Variants in CEP128 observed in about 807,000 individuals in gnomAD.
CEP128 encodes centrosomal protein 128kDa.
Under a neutral mutation model 156.7 loss-of-function variants are expected in CEP128, and 132 were observed. That is an observed-to-expected ratio of 0.84 (90% CI 0.73 to 0.97). The LOEUF is 0.97. CEP128 is among the 50% of genes least tolerant of loss of function. CEP128 has a pLI of 0.00. For missense variants in CEP128, 1,252 were observed against 1,281.9 expected, an observed-to-expected ratio of 0.98 and a Z score of 0.36; for synonymous variants, 469 against 448.9, an observed-to-expected ratio of 1.04 and a Z score of -0.57.
At chr14:80,711,676 A>G (rs1358394036) in intron 19 of CEP128, among the ~76,000 whole-genome samples, 1 of 152,122 alleles carries the variant, frequency 6.6e-6, no homozygotes, top group Non-Finnish European at 1.5e-5. Context: ...ATAATCAATA[A>G]TTTAAGTATA....
chr14:80,691,389 A>G (rs1896714904), intron 19 of CEP128, among the ~76,000 whole-genome samples: 1 of 152,160 alleles, frequency 6.6e-6, no homozygotes, highest in Non-Finnish European at 1.5e-5. Flanking sequence ...GTTACACCAC[A>G]ATCTTCTCCC....
chr14:80,819,306 G>T (rs1480494889), intron 13 of CEP128, among the ~76,000 whole-genome samples: 2 of 145,884 alleles, frequency 1.4e-5, no homozygotes, highest in Admixed American at 6.9e-5. Context: ...GAGTGCAGTG[G>T]CGCAATCTCG....
intron 17 of CEP128, 119 bp downstream of exon 17, chr14:80,761,315 GTTA>G (rs1899955888): frequency 5.6e-6 from 4 of 713,096 alleles, no homozygotes; most frequent in Non-Finnish European, 6.4e-6. Flanking sequence ...AATGCAAAAT[GTTA>G]TTTTGTTTTA....
intron 7 of CEP128, among the ~76,000 whole-genome samples, chr14:80,898,336 G>A (rs771578096): frequency 9.9e-5 from 15 of 152,086 alleles, no homozygotes; most frequent in South Asian, 2.1e-4. Flanking sequence ...AAAGCAGAAC[G>A]GCATCCAGAA....
intron 14 of CEP128, among the ~76,000 whole-genome samples, chr14:80,481,453 A>C (rs1594897024): frequency 6.6e-6 from 1 of 152,346 alleles, no homozygotes; most frequent in South Asian, 2.1e-4. Context: ...TTAAGATTTC[A>C]GTGGGGACAC....
At chr14:80,728,583 G>A (rs893358070) in intron 19 of CEP128, among the ~76,000 whole-genome samples, 1 of 152,110 alleles carries the variant, frequency 6.6e-6, no homozygotes, top group Non-Finnish European at 1.5e-5. Context: ...GAGGAAAAGG[G>A]TATGCATTGC....
At chr14:80,680,977 C>T (rs976034650) in intron 19 of CEP128, among the ~76,000 whole-genome samples, 4 of 152,076 alleles carry the variant, frequency 2.6e-5, no homozygotes, top group Non-Finnish European at 5.9e-5. Flanking sequence ...GACCCTCTCC[C>T]AATAAACAAG....
chr14:80,675,149 TCAAA>T (rs1375160668), intron 19 of CEP128, among the ~76,000 whole-genome samples: 2 of 152,110 alleles, frequency 1.3e-5, no homozygotes, highest in Non-Finnish European at 2.9e-5. Context: ...ACAGAAAATG[TCAAA>T]CATATACAAA....
intron 13 of CEP128, chr14:80,830,185 T>C (rs1251229267): frequency 3.5e-6 from 2 of 569,078 alleles, no homozygotes; most frequent in African/African-American, 1.9e-5. Context: ...TAAGTCTTTA[T>C]TAAACATGTA....
At chr14:80,859,666 C>T (rs1284926492) in intron 9 of CEP128, among the ~76,000 whole-genome samples, 1 of 152,014 alleles carries the variant, frequency 6.6e-6, no homozygotes, top group African/African-American at 2.4e-5. Flanking sequence ...GTGCATGGCC[C>T]TTTTGTTCAA....
intron 19 of CEP128, among the ~76,000 whole-genome samples, chr14:80,608,417 A>G (rs1329233733): frequency 6.6e-6 from 1 of 152,218 alleles, no homozygotes; most frequent in Middle Eastern, 3.2e-3. Flanking sequence ...ATTGAACTTT[A>G]TACAACACAG....
chr14:80,633,176 G>A (rs1270750450), intron 19 of CEP128, among the ~76,000 whole-genome samples: 4 of 151,978 alleles, frequency 2.6e-5, no homozygotes, highest in African/African-American at 4.8e-5. Flanking sequence ...GCCTTGAGCC[G>A]TGACTGCCAC....
At chr14:80,498,238 T>C (rs967928567) in intron 24 of CEP128, among the ~76,000 whole-genome samples, 1 of 152,140 alleles carries the variant, frequency 6.6e-6, no homozygotes, top group African/African-American at 2.4e-5. Context: ...TCCCTATCAA[T>C]TTCACCTGAG....
At chr14:80,890,950 T>C (rs770987009) in intron 8 of CEP128, among the ~76,000 whole-genome samples, 6 of 151,992 alleles carry the variant, frequency 3.9e-5, no homozygotes, top group Admixed American at 6.6e-5. Context: ...AAAAAGGTGC[T>C]CAAGATCAAT....
chr14:80,745,554 T>A (rs1899056802), intron 18 of CEP128, among the ~76,000 whole-genome samples: 1 of 152,064 alleles, frequency 6.6e-6, no homozygotes, highest in African/African-American at 2.4e-5. Flanking sequence ...AGTCAAACAT[T>A]CCTTCATAAT....
intron 11 of CEP128, among the ~76,000 whole-genome samples, chr14:80,837,094 G>C (rs1006334140): frequency 6.6e-6 from 1 of 152,158 alleles, no homozygotes; most frequent in African/African-American, 2.4e-5. Flanking sequence ...GCAGAACAAA[G>C]TCAGCGAATA....
At chr14:80,594,306 T>C (rs1212925908) in intron 19 of CEP128, among the ~76,000 whole-genome samples, 1 of 152,124 alleles carries the variant, frequency 6.6e-6, no homozygotes, top group Non-Finnish European at 1.5e-5. Context: ...CCTTACACAT[T>C]ATACAAAAAT....
intron 13 of CEP128, among the ~76,000 whole-genome samples, chr14:80,798,976 T>G (rs1356096187): frequency 6.6e-6 from 1 of 152,228 alleles, no homozygotes; most frequent in Non-Finnish European, 1.5e-5. Context: ...CATTTTCATT[T>G]ATAGTATTTA....
Position 80,725,716 on chromosome 14 carries a change from C to CCTGAAAGAAAAAT in CEP128, c.2806+17346_2806+17358dup, listed in dbSNP as rs778426509. 1.6e-3 allele frequency among the ~76,000 whole-genome samples: 244 copies of CCTGAAAGAAAAAT among 152,170 alleles called. 1 individual carries two copies. Among genetic ancestry groups the CCTGAAAGAAAAAT allele is most frequent in the Middle Eastern group, 3.4e-3 (1 of 294 alleles). The stretch of plus-strand genomic sequence containing the variant: ...AGATTGTAATTCACAAAGTTAAAAT[C>CCTGAAAGAAAAAT]CTGAAAGAAAAATCTCCCTCCGGAA... On this transcript the variant is annotated intron_variant, in intron 19 of 24. Coordinates refer to ENST00000555265, the MANE Select transcript of CEP128 (RefSeq NM_152446.5).
Sources: allele counts gnomAD v4.1 joint callset (sites outside exome capture counted in the v4.1 genomes callset), GRCh38; gene constraint gnomAD v4.1.1; transcripts MANE v1.5; gene names NCBI Gene and HGNC (gene_info 2026-07-23, HGNC 2026-07-21).